WASF3: variants seen among roughly 807,000 people sequenced by gnomAD.
The protein encoded by WASF3 is WASP family member 3, also known as actin-binding protein WASF3.
A neutral mutation model predicts 46.6 loss-of-function variants in WASF3; 11 were observed. The observed-to-expected ratio is 0.24, with a 90% CI of 0.15 to 0.39. The LOEUF (loss-of-function observed/expected upper bound fraction) is 0.39, where lower values mean the gene tolerates loss of function less well. Ranked by LOEUF, WASF3 falls within the 10% of genes least tolerant of loss-of-function variation. WASF3 has a pLI of 1.00. For synonymous variants in WASF3, 242 were observed against 259.7 expected (o/e 0.93, Z 0.65); for missense variants, 576 against 669.8 (o/e 0.86, Z 1.55).
intron 2 of WASF3, among the ~76,000 whole-genome samples, chr13:26,617,363 C>G (rs1481692170): frequency 6.6e-6 from 1 of 152,006 alleles, no homozygotes; most frequent in Non-Finnish European, 1.5e-5. Context: ...GCCTGACTCC[C>G]TTTTGTTGTT....
chr13:26,564,861 T>G (rs1170698895), intron 1 of WASF3, among the ~76,000 whole-genome samples: 3 of 152,106 alleles, frequency 2.0e-5, no homozygotes, highest in Non-Finnish European at 1.5e-5. Context: ...CCATCACTTA[T>G]TTTCCAACTT....
chr13:26,611,836 A>ATT (rs35868642), intron 1 of WASF3, among the ~76,000 whole-genome samples: 116 of 147,970 alleles, frequency 7.8e-4, no homozygotes, highest in East Asian at 3.6e-3. Context: ...TGATCATTCT[A>ATT]TTTTTTTTTT....
In WASF3 at chr13:26,668,496, C is replaced by T. The variant is rs192117221; in HGVS notation, c.422+826C>T. On this transcript the variant is annotated intron_variant, in intron 5 of 9. Coordinates refer to ENST00000335327, the MANE Select transcript of WASF3 (RefSeq NM_006646.6). ...CCGGGCCAGCTCTCTGGTGATTCTC[C>T]TGTGAGAACCTTCCAGGAGCCTGCG... Among the ~76,000 whole-genome samples, 26 of 152,364 alleles carry T rather than the reference C, an allele frequency of 1.7e-4. No individual in the cohort carries two copies. The East Asian group carries it at 5.0e-3, about 29-fold the overall frequency.
At chr13:26,636,997 C>G (rs1881845800) in intron 2 of WASF3, among the ~76,000 whole-genome samples, 1 of 152,236 alleles carries the variant, frequency 6.6e-6, no homozygotes, top group African/African-American at 2.4e-5. Flanking sequence ...CAGGGCTTAT[C>G]TGCCACCCTC....
chr13:26,649,132 A>G (rs1882236103), intron 3 of WASF3, among the ~76,000 whole-genome samples: 1 of 152,186 alleles, frequency 6.6e-6, no homozygotes, highest in Non-Finnish European at 1.5e-5. Context: ...TTTATCTCAT[A>G]TCAGGTACAT....
At chr13:26,541,195 A>G in the WASF3 span, among the ~76,000 whole-genome samples, 5 of 152,190 alleles carry the variant, frequency 3.3e-5, no homozygotes, top group Non-Finnish European at 4.4e-5. Context: ...CAGAGATCCA[A>G]CTGAGGGCAC....
chr13:26,617,632 A>G (rs762306585), intron 2 of WASF3, among the ~76,000 whole-genome samples: 1 of 152,190 alleles, frequency 6.6e-6, no homozygotes, highest in Non-Finnish European at 1.5e-5. Flanking sequence ...TTTCTTCCCT[A>G]TACAATGGAA....
intron 1 of WASF3, 21 bp downstream of exon 1, chr13:26,557,840 C>A: frequency 3.3e-6 from 1 of 303,906 alleles, no homozygotes; most frequent in East Asian, 5.2e-5. Flanking sequence ...GCTGCGGTCG[C>A]CCCGGCTCTC....
intron 1 of WASF3, chr13:26,577,680 G>C: frequency 9.3e-7 from 1 of 1,077,088 alleles, no homozygotes; most frequent in Non-Finnish European, 1.4e-6. Context: ...TCTGTTTAAA[G>C]TTCAGACTTA....
At chr13:26,622,518 A>AGT (rs1472730940) in intron 2 of WASF3, 1 of 152,234 alleles carries the variant, frequency 6.6e-6, no homozygotes, top group Non-Finnish European at 1.5e-5. Context: ...TTAATAGAGT[A>AGT]GTGGTGGTGT....
intron 1 of WASF3, among the ~76,000 whole-genome samples, chr13:26,586,686 G>T (rs1254213501): frequency 9.9e-5 from 15 of 152,082 alleles, no homozygotes; most frequent in Admixed American, 2.0e-4. Flanking sequence ...CCTGCCCTTT[G>T]TGATCAATTC....
chr13:26,631,128 T>C (rs762926658), intron 2 of WASF3, among the ~76,000 whole-genome samples: 14 of 152,238 alleles, frequency 9.2e-5, no homozygotes, highest in Non-Finnish European at 1.9e-4. Context: ...GATGGTAGTT[T>C]CTTTTGCCAT....
At chr13:26,549,360 T>C in the WASF3 span, among the ~76,000 whole-genome samples, 1 of 152,154 alleles carries the variant, frequency 6.6e-6, no homozygotes, top group Non-Finnish European at 1.5e-5. Context: ...GCTGTGGGGT[T>C]CTCCTTAATG....
At chr13:26,584,744 A>C (rs1880081027) in intron 1 of WASF3, among the ~76,000 whole-genome samples, 1 of 152,234 alleles carries the variant, frequency 6.6e-6, no homozygotes, top group African/African-American at 2.4e-5. Context: ...ATAATTATTC[A>C]GAAATTTTAG....
At chr13:26,656,977 A>G (rs1210673720) in intron 3 of WASF3, among the ~76,000 whole-genome samples, 3 of 152,212 alleles carry the variant, frequency 2.0e-5, no homozygotes, top group African/African-American at 7.2e-5. Context: ...GACTATGACA[A>G]CTGTGACTAA....
At chr13:26,667,147 G>T (rs1882798564) in intron 4 of WASF3, among the ~76,000 whole-genome samples, 1 of 152,160 alleles carries the variant, frequency 6.6e-6, no homozygotes, top group Admixed American at 6.5e-5. Flanking sequence ...TTAAACTAAT[G>T]TTGTTTGAAC....
chr13:26,669,221 T>C (rs952088999), intron 5 of WASF3, among the ~76,000 whole-genome samples: 4 of 144,788 alleles, frequency 2.8e-5, no homozygotes, highest in Non-Finnish European at 6.0e-5. Flanking sequence ...TTTTTTTTTT[T>C]TTTTTTTTGA....
At chr13:26,548,883 T>C in the WASF3 span, among the ~76,000 whole-genome samples, 1 of 152,144 alleles carries the variant, frequency 6.6e-6, no homozygotes, top group Non-Finnish European at 1.5e-5. Flanking sequence ...TGCTTCTACT[T>C]GATTAGATGT....
intron 2 of WASF3, among the ~76,000 whole-genome samples, chr13:26,618,618 TTTATC>T (rs1330778686): frequency 6.6e-6 from 1 of 152,170 alleles, no homozygotes; most frequent in Non-Finnish European, 1.5e-5. Flanking sequence ...CATATATATA[TTTATC>T]TTGTTTCTTT....
Sources: allele counts gnomAD v4.1 joint callset (sites outside exome capture counted in the v4.1 genomes callset), GRCh38; gene constraint gnomAD v4.1.1; transcripts MANE v1.5; gene names NCBI Gene and HGNC (gene_info 2026-07-23, HGNC 2026-07-21).